ADARB2: variants seen among roughly 807,000 people sequenced by gnomAD.
The protein encoded by ADARB2 is adenosine deaminase RNA specific B2 (inactive), also known as inactive double-stranded RNA-specific editase B2.
In ADARB2, 25 loss-of-function variants were observed where a neutral mutation model predicts 62.2. The observed-to-expected ratio is 0.40, with a 90% CI of 0.29 to 0.56. The LOEUF is 0.56. ADARB2 is among the 20% of genes least tolerant of loss of function. ADARB2 has a pLI of 0.43. For synonymous variants in ADARB2, 572 were observed against 500.8 expected, an observed-to-expected ratio of 1.14 and a Z score of -1.90; for missense variants, 1,071 against 1,077.4, an observed-to-expected ratio of 0.99 and a Z score of 0.08.
intron 1 of ADARB2, among the ~76,000 whole-genome samples, chr10:1,707,896 T>C (rs1275640153): frequency 6.6e-6 from 1 of 152,150 alleles, no homozygotes; most frequent in African/African-American, 2.4e-5. Flanking sequence ...CACTGGTCAG[T>C]GGGAGAGGTT....
intron 3 of ADARB2, among the ~76,000 whole-genome samples, chr10:1,283,117 A>G (rs1831384135): frequency 1.3e-5 from 2 of 152,190 alleles, no homozygotes. Flanking sequence ...GCTTCCCAGC[A>G]TGGGAACCCT....
intron 1 of ADARB2, among the ~76,000 whole-genome samples, chr10:1,518,764 C>T (rs1832037863): frequency 6.6e-6 from 1 of 151,968 alleles, no homozygotes; most frequent in Non-Finnish European, 1.5e-5. Flanking sequence ...CTTGTAATGT[C>T]TGCATGTGGT....
At chr10:1,734,715 G>GC in intron 1 of ADARB2, among the ~76,000 whole-genome samples, 1 of 152,286 alleles carries the variant, frequency 6.6e-6, no homozygotes, top group South Asian at 2.1e-4. Context: ...TCTTCAGTTA[G>GC]CACCTAATAG....
intron 3 of ADARB2, among the ~76,000 whole-genome samples, chr10:1,306,059 T>G (rs966234452): frequency 2.8e-4 from 42 of 152,074 alleles, no homozygotes; most frequent in Admixed American, 5.9e-4. Context: ...TTCTGGCCAG[T>G]GCAATTAGGC....
chr10:1,201,926 A>T (rs994303703), intron 7 of ADARB2, among the ~76,000 whole-genome samples: 6 of 150,914 alleles, frequency 4.0e-5, no homozygotes, highest in Non-Finnish European at 7.4e-5. Context: ...GTCACCGAGG[A>T]CCTTCATTCC....
At chr10:1,476,899 G>T (rs1300570686) in intron 1 of ADARB2, among the ~76,000 whole-genome samples, 1 of 152,110 alleles carries the variant, frequency 6.6e-6, no homozygotes. Flanking sequence ...GAGGGTGGCC[G>T]CATGATATTC....
chr10:1,383,313 A>G (rs1355020223), intron 1 of ADARB2, among the ~76,000 whole-genome samples: 1 of 152,198 alleles, frequency 6.6e-6, no homozygotes, highest in Non-Finnish European at 1.5e-5. Flanking sequence ...ACTCACTGGA[A>G]TAATTTTTAG....
In ADARB2 at chr10:1,737,029, C is replaced by T. The variant is rs527755479; in HGVS notation, c.100+22G>A. ...GCCGGGGGTGAAGGGGGGCAGGGGC[C>T]GGCGCGCCACGCGGTCCTTACCTTT... On this transcript the variant is annotated intron_variant, in intron 1 of 9. Coordinates refer to ENST00000381312, the MANE Select transcript of ADARB2 (RefSeq NM_018702.4). The T allele has an allele frequency of 1.6e-4, 260 of 1,607,644 alleles. 5 individuals carry two copies. In the South Asian group the frequency reaches 2.6e-3, roughly 16 times the overall value.
intron 3 of ADARB2, among the ~76,000 whole-genome samples, chr10:1,348,146 G>A (rs570742351): frequency 2.0e-5 from 3 of 152,314 alleles, no homozygotes; most frequent in East Asian, 3.9e-4. Context: ...TGCTGAGCAC[G>A]GGGTGTGCCC....
At chr10:1,456,448 G>C (rs1831096898) in intron 1 of ADARB2, among the ~76,000 whole-genome samples, 1 of 152,152 alleles carries the variant, frequency 6.6e-6, no homozygotes, top group Non-Finnish European at 1.5e-5. Flanking sequence ...ATACAAGCCA[G>C]TTCTTGGCTC....
At chr10:1,275,525 A>T (rs144242115) in intron 3 of ADARB2, among the ~76,000 whole-genome samples, 43,289 of 150,726 alleles carry the variant, frequency 0.29, 7,029 homozygotes, top group South Asian at 0.53. Context: ...CTTTTTTTTT[A>T]ATTTAAGTTT....
intron 1 of ADARB2, among the ~76,000 whole-genome samples, chr10:1,578,844 G>A (rs1371263944): frequency 1.3e-5 from 2 of 152,018 alleles, no homozygotes; most frequent in African/African-American, 4.8e-5. Context: ...AACACCACCA[G>A]CACCCACAGG....
At chr10:1,430,116 G>C (rs776348667) in intron 1 of ADARB2, among the ~76,000 whole-genome samples, 1 of 152,158 alleles carries the variant, frequency 6.6e-6, no homozygotes, top group Non-Finnish European at 1.5e-5. Context: ...GAGTGTAAGA[G>C]AACTAAGTGA....
intron 1 of ADARB2, among the ~76,000 whole-genome samples, chr10:1,673,312 TTATGTGTGTG>T (rs1834416766): frequency 1.4e-5 from 1 of 72,224 alleles, no homozygotes; most frequent in African/African-American, 5.0e-5. Context: ...AGATTTCATT[TTATGTGTGTG>T]TGTGTGTGTG....
rs554180116 is a variant in ADARB2, at chr10:1,359,022, T to C, written c.1077+4006A>G. On this transcript the variant is annotated intron_variant, in intron 3 of 9. Coordinates refer to ENST00000381312, the MANE Select transcript of ADARB2 (RefSeq NM_018702.4). ...TTTTGCTTAGGAATTCTTTTGATGC[T>C]AGGGGTGGGGAGCAAACTGAAGAGA... Among the ~76,000 whole-genome samples the C allele has an allele frequency of 4.6e-5, 7 of 152,354 alleles. No homozygotes were observed. The South Asian group carries it at 1.4e-3, about 32-fold the overall frequency.
intron 7 of ADARB2, among the ~76,000 whole-genome samples, chr10:1,207,177 T>C (rs913465737): frequency 6.6e-6 from 1 of 151,984 alleles, no homozygotes; most frequent in Non-Finnish European, 1.5e-5. Context: ...CGAAACCCTG[T>C]CTCTACTAAA....
At chr10:1,606,566 C>T (rs970440486) in intron 1 of ADARB2, among the ~76,000 whole-genome samples, 9 of 152,156 alleles carry the variant, frequency 5.9e-5, no homozygotes, top group African/African-American at 1.9e-4. Context: ...AAGGAGACCA[C>T]GAGAGAGCCA....
chr10:1,482,347 C>T (rs570409154), intron 1 of ADARB2, among the ~76,000 whole-genome samples: 8 of 152,238 alleles, frequency 5.3e-5, no homozygotes, highest in South Asian at 2.1e-4. Flanking sequence ...CATCAGTGCA[C>T]GAATGGATAT....
At chr10:1,532,479 G>T (rs1441544560) in intron 1 of ADARB2, among the ~76,000 whole-genome samples, 1 of 152,138 alleles carries the variant, frequency 6.6e-6, no homozygotes, top group Admixed American at 6.5e-5. Context: ...GCCCGTCCCT[G>T]TGTCCTTCTG....
Sources: gnomAD v4.1 joint callset for allele counts (sites outside exome capture counted in the v4.1 genomes callset) on GRCh38, gnomAD v4.1.1 for gene constraint, MANE v1.5 for transcripts, NCBI Gene and HGNC (gene_info 2026-07-23, HGNC 2026-07-21) for gene names.